The following LY75 variants were observed in gnomAD, a reference collection of about 807,000 sequenced individuals.
The protein encoded by LY75 is lymphocyte antigen 75.
In LY75, 185 loss-of-function variants were observed where a neutral mutation model predicts 231.7. The observed-to-expected ratio is 0.80, with a 90% CI of 0.71 to 0.90. The LOEUF (loss-of-function observed/expected upper bound fraction) is 0.90, where lower values mean the gene tolerates loss of function less well. Among genes scored for constraint, LY75 ranks in the 40% least tolerant of loss-of-function variants. The pLI is 0.00. For synonymous variants in LY75, 668 were observed against 689.0 expected (o/e 0.97, Z 0.48); for missense variants, 1,947 against 2,050.2 (o/e 0.95, Z 0.97).
chr2:159,860,903 A>G lies in LY75; in HGVS notation c.2200-14T>C. ...AATAGTAGACACCTGAAAAGACAAG[A>G]GAGGCTTGAGAATTTAAGACTGATG... On this transcript the variant is annotated splice_polypyrimidine_tract_variant and intron_variant, in intron 14 of 34. Coordinates refer to ENST00000263636, the MANE Select transcript of LY75 (RefSeq NM_002349.4). 2 of 1,613,776 alleles carry G rather than the reference A, an allele frequency of 1.2e-6. No homozygotes were observed. The highest frequency in any genetic ancestry group is 2.2e-5 in the South Asian group (2 of 91,064).
chr2:159,856,820 A>G (rs1684561194), intron 16 of LY75, among the ~76,000 whole-genome samples: 1 of 152,152 alleles, frequency 6.6e-6, no homozygotes, highest in Non-Finnish European at 1.5e-5. Flanking sequence ...ACACCTCCAC[A>G]TGCCCTTCAT....
intron 13 of LY75, among the ~76,000 whole-genome samples, chr2:159,869,509 G>A (rs1005898399): frequency 6.6e-6 from 1 of 152,084 alleles, no homozygotes. Flanking sequence ...GAGATGCAGG[G>A]ATTAGCTAAA....
At chr2:159,883,360 C>T (rs991044205) in intron 6 of LY75, among the ~76,000 whole-genome samples, 3 of 151,638 alleles carry the variant, frequency 2.0e-5, no homozygotes, top group African/African-American at 7.3e-5. Context: ...CAGCTAGCCT[C>T]TTACACTTGC....
intron 21 of LY75, among the ~76,000 whole-genome samples, chr2:159,851,342 C>T (rs373511852): frequency 6.6e-6 from 1 of 151,984 alleles, no homozygotes. Flanking sequence ...CTTGAAATAT[C>T]TTACAAAAAA....
intron 5 of LY75, 53 bp from the exon 6 acceptor site, chr2:159,885,346 T>A: frequency 6.4e-7 from 1 of 1,572,602 alleles, no homozygotes; most frequent in Non-Finnish European, 8.6e-7. Context: ...AGGGCCAGGA[T>A]GGTGTCAGAA....
rs1451492296 is a variant in LY75 at position 159,815,691 on chromosome 2, GTATTGTAGGTCTGAACCTACTAT to G, written c.4381-141_4381-119del. 5.4e-5 allele frequency: 69 copies of G among 1,274,710 alleles called. No homozygotes were observed. In the African/African-American group the frequency reaches 8.9e-4, roughly 16 times the overall value. 79.0% of individuals were successfully genotyped at this position (1,274,710 alleles called of 1,614,324 possible). ...ATGGAATATTAATTATTTGCTTACA[GTATTGTAGGTCTGAACCTACTAT>G]TATTGTAGGTCTGATTTACTTCTGA... On this transcript the variant is annotated intron_variant, in intron 30 of 34. Coordinates refer to ENST00000263636, the MANE Select transcript of LY75 (RefSeq NM_002349.4).
At chr2:159,887,211 T>TCA (rs370794967) in intron 4 of LY75, among the ~76,000 whole-genome samples, 23,934 of 129,790 alleles carry the variant, frequency 0.18, 2,399 homozygotes, top group South Asian at 0.4. Context: ...AGAGTGAGAG[T>TCA]CACACACACA....
chr2:159,898,934 G>A lies in LY75; in HGVS notation c.220C>T (p.Arg74Trp), dbSNP rs757505526. 21 of 1,614,130 alleles carry A rather than the reference G, an allele frequency of 1.3e-5. No individual in the cohort carries two copies. The highest frequency in any genetic ancestry group is 4.5e-5 in the East Asian group (2 of 44,902). Reference protein sequence around the residue: ...DKLWKWVSQHRLFHLHSQKCL... With the variant: ...DKLWKWVSQHWLFHLHSQKCL... ...TTTTGGGAGTGCAAATGAAAGAGCCGATGCTGGGACACCCACTTCCATAAC... is the reference window on the plus strand; with the variant it reads ...TTTTGGGAGTGCAAATGAAAGAGCCAATGCTGGGACACCCACTTCCATAAC... Residue 74 changes from arginine to tryptophan, a missense_variant, in exon 2 of 35, where the codon CGG becomes TGG. Coordinates refer to ENST00000263636, the MANE Select transcript of LY75 (RefSeq NM_002349.4).
rs116585620 is a variant in LY75 at position 159,898,983 on chromosome 2, G to A, written c.171C>T (p.Asp57=). 3.2e-4 allele frequency: 510 copies of A among 1,614,214 alleles called. 2 individuals are homozygous for A. In the African/African-American group the frequency reaches 5.8e-3, roughly 19 times the overall value. Residue 57 remains aspartate (D), a synonymous_variant, in exon 2 of 35, where the codon GAC becomes GAT. Transcript: ENST00000263636. ...IKPVYGWIVA[D]DCDETEDKLW... Reference sequence around the variant, plus strand: ...ACTTGTCCTCAGTTTCATCACAGTCGTCTGCTACTATCCAGCCATACACTG... The same window carrying A: ...ACTTGTCCTCAGTTTCATCACAGTCATCTGCTACTATCCAGCCATACACTG...
chr2:159,870,953 A>T (rs1016673722), intron 13 of LY75, among the ~76,000 whole-genome samples: 2 of 152,152 alleles, frequency 1.3e-5, no homozygotes, highest in African/African-American at 4.8e-5. Flanking sequence ...CTTAATATAT[A>T]TAAACATTTA....
At position 159,827,954 on chromosome 2, in the gene LY75, C is replaced by T. The variant is rs536653565; in HGVS notation, c.3958+3716G>A. Among the ~76,000 whole-genome samples the T allele has an allele frequency of 6.6e-5, 10 of 151,474 alleles. 1 individual carries two copies. The South Asian group carries it at 1.3e-3, about 19-fold the overall frequency. On this transcript the variant is annotated intron_variant, in intron 28 of 34. Transcript: ENST00000263636. The stretch of plus-strand genomic sequence containing the variant: ...GTGGAACATCACACACTGGGCCTGT[C>T]GGGGGGTAGGGGGCTAGGGGAGGGA...
At chr2:159,842,118 T>C in intron 24 of LY75, 127 bp downstream of exon 24, 5 of 1,174,102 alleles carry the variant, frequency 4.3e-6, no homozygotes, top group Non-Finnish European at 5.6e-6. Context: ...GTGGTAAGCA[T>C]ACTACCCAAT....
At chr2:159,808,606 T>C (rs373385449) in intron 32 of LY75, 35 bp from the exon 33 acceptor site, 150 of 1,609,132 alleles carry the variant, frequency 9.3e-5, no homozygotes, top group Middle Eastern at 1.7e-4. Context: ...ATTAGCTTTA[T>C]GGAAACTAGA....
At chr2:159,820,456 G>A (rs951000740) in intron 28 of LY75, among the ~76,000 whole-genome samples, 11 of 152,208 alleles carry the variant, frequency 7.2e-5, no homozygotes, top group Non-Finnish European at 1.5e-4. Flanking sequence ...AACATTGTGT[G>A]TTCTCACCAA....
rs776671589 is a variant in LY75, at chr2:159,881,131, T to C, written c.1356A>G (p.Pro452=). 6.2e-7 allele frequency: 1 copy of C among 1,613,948 alleles called. No individual in the cohort carries two copies. The highest frequency in any genetic ancestry group is 8.5e-7 in the Non-Finnish European group (1 of 1,179,888). Residue 452 remains proline, a synonymous_variant, in exon 8 of 35, where the codon CCA becomes CCG. Transcript: ENST00000263636. ...TGGGCGTCTTATTGTAGGGAACATT[T>C]GGCTCATTCTCATCCCAATATGTTA... The part of the protein sequence containing the change: ...VTLTYWDENE[P]NVPYNKTPNC...
chr2:159,844,324 A>T (rs1478065958), intron 23 of LY75, among the ~76,000 whole-genome samples: 1 of 3,908 alleles, frequency 2.6e-4, no homozygotes. Flanking sequence ...GCCTAATGGT[A>T]AAAAAAAAAA....
At chr2:159,812,808 C>T (rs1264899189) in intron 31 of LY75, among the ~76,000 whole-genome samples, 1 of 152,154 alleles carries the variant, frequency 6.6e-6, no homozygotes, top group Admixed American at 6.5e-5. Flanking sequence ...TTTTATCTTG[C>T]AAAACTGAAA....
chr2:159,904,466 C>T, intron 1 of LY75, 123 bp downstream of exon 1: 1 of 1,125,084 alleles, frequency 8.9e-7, no homozygotes, highest in South Asian at 1.8e-5. Context: ...AGAGCCCCCC[C>T]GCCCCAACAG....
chr2:159,834,561 C>G (rs1425368210), intron 26 of LY75, among the ~76,000 whole-genome samples: 1 of 152,162 alleles, frequency 6.6e-6, no homozygotes, highest in Non-Finnish European at 1.5e-5. Context: ...AGTCACCTAA[C>G]TATAACTCTG....
Sources: gnomAD v4.1 joint callset for allele counts (sites outside exome capture counted in the v4.1 genomes callset) on GRCh38, gnomAD v4.1.1 for gene constraint, MANE v1.5 for transcripts, NCBI Gene and HGNC (gene_info 2026-07-23, HGNC 2026-07-21) for gene names.